Variants in SPATS2L observed in about 807,000 individuals in gnomAD.
The protein encoded by SPATS2L is SPATS2-like protein.
A neutral mutation model predicts 59.6 loss-of-function variants in SPATS2L; 30 were observed. The observed-to-expected ratio is 0.50, with a 90% CI of 0.38 to 0.68. The LOEUF (loss-of-function observed/expected upper bound fraction) is 0.68. SPATS2L is among the 30% of genes least tolerant of loss of function. The probability of loss-of-function intolerance (pLI) is 0.00; values close to 1 mark genes in which losing one functional copy is unlikely to be tolerated. For missense variants in SPATS2L, 615 were observed against 700.0 expected (o/e 0.88, Z 1.37); for synonymous variants, 252 against 263.5 (o/e 0.96, Z 0.42).
intron 2 of SPATS2L, among the ~76,000 whole-genome samples, chr2:200,382,222 A>C (rs1183976173): frequency 1.3e-5 from 2 of 151,752 alleles, no homozygotes; most frequent in Non-Finnish European, 2.9e-5. Flanking sequence ...CTACAAACAC[A>C]CGCCATCATG....
At chr2:200,313,789 A>G (rs952201620) in intron 1 of SPATS2L, among the ~76,000 whole-genome samples, 2 of 151,878 alleles carry the variant, frequency 1.3e-5, no homozygotes, top group Non-Finnish European at 2.9e-5. Flanking sequence ...GTCCTCTCCT[A>G]ATGACCACCA....
chr2:200,481,138 C>T lies in SPATS2L; in HGVS notation c.*3107C>T, dbSNP rs754487485. ...TCTAGAAGTGCTTAATGCAGCAAGACACAGAAAGTTAAACGCAAATTGCTG... is the reference window on the plus strand; with the variant it reads ...TCTAGAAGTGCTTAATGCAGCAAGATACAGAAAGTTAAACGCAAATTGCTG... On this transcript the variant is annotated 3_prime_UTR_variant, in exon 13 of 13. Transcript: ENST00000409140. The T allele has an allele frequency of 5.3e-5, 8 of 152,188 alleles. No homozygotes were observed. Among genetic ancestry groups the T allele is most frequent in the Non-Finnish European group, 7.3e-5 (5 of 68,034 alleles). The allele number at this position is 152,188 out of a possible 1,614,324, so 9.4% of individuals were successfully genotyped here.
chr2:200,440,888 C>G, intron 8 of SPATS2L, 104 bp downstream of exon 8: 5 of 1,289,844 alleles, frequency 3.9e-6, no homozygotes, highest in Non-Finnish European at 5.3e-6. Context: ...ATAAACATCA[C>G]AGAATAACTC....
intron 2 of SPATS2L, among the ~76,000 whole-genome samples, chr2:200,369,684 G>T (rs752124244): frequency 6.6e-6 from 1 of 151,952 alleles, no homozygotes; most frequent in Admixed American, 6.6e-5. Context: ...GACATAAAAA[G>T]CTGGTAAGAA....
chr2:200,335,723 T>A (rs541205811), intron 2 of SPATS2L, among the ~76,000 whole-genome samples: 124 of 152,352 alleles, frequency 8.1e-4, no homozygotes, highest in African/African-American at 2.9e-3. Context: ...AAGTGGGATA[T>A]GCACCCCAGG....
At chr2:200,412,182 CAAG>C (rs1236142246) in intron 3 of SPATS2L, 126 bp from the exon 4 acceptor site, 1 of 560,258 alleles carries the variant, frequency 1.8e-6, no homozygotes, top group African/African-American at 1.9e-5. Context: ...TGCTTGATGA[CAAG>C]AAGGTAGATT....
At chr2:200,351,711 G>A (rs1015964774) in intron 2 of SPATS2L, among the ~76,000 whole-genome samples, 1 of 139,298 alleles carries the variant, frequency 7.2e-6, no homozygotes, top group African/African-American at 2.4e-5. Context: ...TATAGATTGA[G>A]ATTTTTTTTT....
chr2:200,441,069 A>G (rs770946343), intron 8 of SPATS2L, among the ~76,000 whole-genome samples: 2 of 152,224 alleles, frequency 1.3e-5, no homozygotes, highest in Non-Finnish European at 2.9e-5. Flanking sequence ...ATAAAACCTC[A>G]AAAAATAGTA....
intron 8 of SPATS2L, among the ~76,000 whole-genome samples, chr2:200,444,849 AG>A (rs890094765): frequency 2.6e-5 from 4 of 152,086 alleles, no homozygotes; most frequent in African/African-American, 9.6e-5. Flanking sequence ...CAATCAAGAT[AG>A]GTGTTTATAG....
At chr2:200,366,861 C>G (rs1218020757) in intron 2 of SPATS2L, among the ~76,000 whole-genome samples, 1 of 152,160 alleles carries the variant, frequency 6.6e-6, no homozygotes, top group African/African-American at 2.4e-5. Context: ...TCAGGTACTT[C>G]TTGCTAGTAA....
chr2:200,349,380 A>C (rs868039628), intron 2 of SPATS2L, among the ~76,000 whole-genome samples: 1 of 152,254 alleles, frequency 6.6e-6, no homozygotes, highest in Non-Finnish European at 1.5e-5. Context: ...TCACACCTGC[A>C]ATCCCAGCAC....
chr2:200,341,695 T>TC (rs2080330480), intron 2 of SPATS2L, among the ~76,000 whole-genome samples: 1 of 151,382 alleles, frequency 6.6e-6, no homozygotes, highest in African/African-American at 2.4e-5. Context: ...ACTATAATTT[T>TC]TTTTTTTTTT....
intron 3 of SPATS2L, among the ~76,000 whole-genome samples, chr2:200,400,444 C>T (rs1048166914): frequency 1.3e-5 from 2 of 152,106 alleles, no homozygotes; most frequent in Non-Finnish European, 2.9e-5. Context: ...ATGTATTAAG[C>T]TCATTGCTTG....
chr2:200,313,478 C>T (rs2079260266), intron 1 of SPATS2L, among the ~76,000 whole-genome samples: 1 of 152,170 alleles, frequency 6.6e-6, no homozygotes, highest in Admixed American at 6.5e-5. Flanking sequence ...TCTTCCCACT[C>T]CTTGTCTTCC....
chr2:200,459,649 A>C, intron 8 of SPATS2L, 120 bp from the exon 9 acceptor site: 3 of 791,868 alleles, frequency 3.8e-6, no homozygotes, highest in Non-Finnish European at 4.1e-6. Context: ...TGTAGCATAG[A>C]AATATTTATG....
At chr2:200,463,692 G>T (rs984189003) in intron 9 of SPATS2L, among the ~76,000 whole-genome samples, 6 of 152,180 alleles carry the variant, frequency 3.9e-5, no homozygotes, top group African/African-American at 1.4e-4. Context: ...ATAAGCACAG[G>T]TGTCAAGTTC....
At chr2:200,475,061 A>G (rs1012782534) in intron 12 of SPATS2L, among the ~76,000 whole-genome samples, 5 of 152,226 alleles carry the variant, frequency 3.3e-5, no homozygotes, top group African/African-American at 1.2e-4. Flanking sequence ...CATCTTGAAG[A>G]TGAACAACAC....
chr2:200,447,920 T>C (rs1168784549), intron 8 of SPATS2L, among the ~76,000 whole-genome samples: 1 of 152,220 alleles, frequency 6.6e-6, no homozygotes, highest in Non-Finnish European at 1.5e-5. Flanking sequence ...ATTAAACAAG[T>C]AGTGAAGACA....
At chr2:200,329,204 G>T (rs866735510) in intron 1 of SPATS2L, among the ~76,000 whole-genome samples, 2 of 152,182 alleles carry the variant, frequency 1.3e-5, no homozygotes, top group South Asian at 2.1e-4. Flanking sequence ...CAACAACTTT[G>T]TGAGGAAGGT....
Sources: allele counts gnomAD v4.1 joint callset (sites outside exome capture counted in the v4.1 genomes callset), GRCh38; gene constraint gnomAD v4.1.1; transcripts MANE v1.5; gene names NCBI Gene and HGNC (gene_info 2026-07-23, HGNC 2026-07-21).